ALDH1A1: variants seen among roughly 807,000 people sequenced by gnomAD.
The protein encoded by ALDH1A1 is aldehyde dehydrogenase 1 family member A1, also known as aldehyde dehydrogenase 1A1.
In ALDH1A1, 19 loss-of-function variants were observed where a neutral mutation model predicts 62.1. That is an observed-to-expected ratio of 0.31 (90% CI 0.21 to 0.45). ALDH1A1 has a LOEUF of 0.45. Ranked by LOEUF, ALDH1A1 falls within the 20% of genes least tolerant of loss-of-function variation. ALDH1A1 has a pLI of 1.00. For synonymous variants in ALDH1A1, 231 were observed against 215.9 expected (o/e 1.07, Z -0.61); for missense variants, 521 against 607.1 (o/e 0.86, Z 1.49).
At chr9:72,929,635 A>G (rs966836705) in intron 3 of ALDH1A1, among the ~76,000 whole-genome samples, 1 of 152,202 alleles carries the variant, frequency 6.6e-6, no homozygotes, top group Non-Finnish European at 1.5e-5. Context: ...TGCCCTAACC[A>G]TTATAAGATG....
chr9:72,947,999 G>A (rs1471138638), intron 1 of ALDH1A1, among the ~76,000 whole-genome samples: 1 of 151,956 alleles, frequency 6.6e-6, no homozygotes, highest in Non-Finnish European at 1.5e-5. Flanking sequence ...AAAGGACTAA[G>A]TAGTTAATAA....
At chr9:72,909,150 T>C (rs1471932150) in intron 11 of ALDH1A1, among the ~76,000 whole-genome samples, 2 of 132,726 alleles carry the variant, frequency 1.5e-5, no homozygotes, top group African/African-American at 5.4e-5. Context: ...GTTCTTCCAA[T>C]ACAGCTTTTT....
chr9:72,930,584 C>T (rs1426114311), intron 3 of ALDH1A1, among the ~76,000 whole-genome samples: 2 of 151,968 alleles, frequency 1.3e-5, no homozygotes, highest in Non-Finnish European at 2.9e-5. Context: ...CTTATTGAAA[C>T]CTCTGAGAAG....
intron 1 of ALDH1A1, among the ~76,000 whole-genome samples, chr9:72,943,888 T>C (rs563294943): frequency 6.6e-6 from 1 of 151,714 alleles, no homozygotes; most frequent in African/African-American, 2.4e-5. Flanking sequence ...ATAAATGGTG[T>C]AGAGGGGCAT....
chr9:72,925,751 C>T, intron 5 of ALDH1A1, 139 bp from the exon 6 acceptor site: 1 of 969,016 alleles, frequency 1.0e-6, no homozygotes, highest in Non-Finnish European at 1.5e-6. Flanking sequence ...TATTATACTT[C>T]ATTGCTAAAA....
chr9:72,930,685 T>A (rs896780956), intron 3 of ALDH1A1, among the ~76,000 whole-genome samples, 194 bp downstream of exon 3: 2 of 152,216 alleles, frequency 1.3e-5, no homozygotes, highest in African/African-American at 2.4e-5. Flanking sequence ...GAAATTAACA[T>A]CATCCAGAAT....
chr9:72,910,961 C>G (rs983638555), intron 10 of ALDH1A1, among the ~76,000 whole-genome samples: 3 of 152,078 alleles, frequency 2.0e-5, no homozygotes, highest in Non-Finnish European at 4.4e-5. Flanking sequence ...AGCTGTTCTA[C>G]TGTATATTAA....
chr9:72,908,615 GA>G (rs1295297070), intron 11 of ALDH1A1, among the ~76,000 whole-genome samples: 1 of 104,390 alleles, frequency 9.6e-6, no homozygotes, highest in Admixed American at 1.0e-4. Flanking sequence ...AAGAAAGAAA[GA>G]AAGAAAGAAA....
intron 12 of ALDH1A1, 97 bp from the exon 13 acceptor site, chr9:72,901,377 G>A (rs1829801517): frequency 1.3e-6 from 1 of 780,194 alleles, no homozygotes; most frequent in African/African-American, 1.7e-5. Context: ...TTGTTTTACT[G>A]GCTAGGGACA....
chr9:72,943,158 A>G (rs1465506100), intron 1 of ALDH1A1, among the ~76,000 whole-genome samples: 2 of 152,052 alleles, frequency 1.3e-5, no homozygotes, highest in Non-Finnish European at 2.9e-5. Context: ...GAGATCCAGA[A>G]TTTCACCCTT....
In ALDH1A1 at chr9:72,908,560, AAAGAAAGAAAG is replaced by A. The variant is rs1337206504; in HGVS notation, c.1358+1031_1358+1041del. On this transcript the variant is annotated intron_variant, in intron 11 of 12. Coordinates refer to ENST00000297785, the MANE Select transcript of ALDH1A1 (RefSeq NM_000689.5). ...GAAAGAAAGAAAAGAAAGAAGAAAG[AAAGAAAGAAAG>A]AAAGAAAGAAAGAAAGAAAGAAAGA... Among the ~76,000 whole-genome samples the A allele has an allele frequency of 1.3e-3, 11 of 8,208 alleles. 1 individual carries two copies. Among genetic ancestry groups the A allele is most frequent in the African/African-American group, 3.2e-3 (11 of 3,442 alleles). 5.4% of individuals were successfully genotyped at this position (8,208 alleles called of 152,430 possible). A position where few individuals can be genotyped will look rare whatever the true frequency, so the allele number is the denominator to read the frequency against.
At chr9:72,909,364 G>A (rs1240364437) in intron 11 of ALDH1A1, among the ~76,000 whole-genome samples, 3 of 151,958 alleles carry the variant, frequency 2.0e-5, no homozygotes, top group Non-Finnish European at 2.9e-5. Flanking sequence ...ATGTTGGCCA[G>A]GCTGGTCTCA....
At chr9:72,918,635 T>G in intron 8 of ALDH1A1, 85 bp downstream of exon 8, 1 of 238,582 alleles carries the variant, frequency 4.2e-6, no homozygotes, top group Non-Finnish European at 7.6e-6. Flanking sequence ...TTTTTTTTTT[T>G]TTGTAAAGTT....
chr9:72,945,580 T>C (rs1830465385), intron 1 of ALDH1A1, among the ~76,000 whole-genome samples: 1 of 151,950 alleles, frequency 6.6e-6, no homozygotes, highest in African/African-American at 2.4e-5. Flanking sequence ...GTGTGTGCTG[T>C]AAATGTGTCA....
intron 7 of ALDH1A1, 113 bp downstream of exon 7, chr9:72,923,906 A>C: frequency 4.5e-6 from 3 of 664,854 alleles, no homozygotes; most frequent in Non-Finnish European, 7.4e-6. Flanking sequence ...GTAACAAATC[A>C]TTAAAAAGAG....
chr9:72,951,218 G>C (rs1830540767), intron 1 of ALDH1A1, among the ~76,000 whole-genome samples: 1 of 151,906 alleles, frequency 6.6e-6, no homozygotes. Flanking sequence ...TTGTTGCACA[G>C]TGACTTCGAA....
chr9:72,937,044 A>G lies in ALDH1A1; in HGVS notation c.171+3104T>C, dbSNP rs144297868. Among the ~76,000 whole-genome samples, 1,015 of 152,272 alleles carry G rather than the reference A, an allele frequency of 6.7e-3. 6 individuals are homozygous for G. Among genetic ancestry groups the G allele is most frequent in the Middle Eastern group, 0.024 (7 of 290 alleles). ...TCTGTGTTTTAACAAGCCTTCCTGGACATTCTGAGACAGGCTAAATTTTGA... is the reference window on the plus strand; with the variant it reads ...TCTGTGTTTTAACAAGCCTTCCTGGGCATTCTGAGACAGGCTAAATTTTGA... On this transcript the variant is annotated intron_variant, in intron 2 of 12. Coordinates refer to ENST00000297785, the MANE Select transcript of ALDH1A1 (RefSeq NM_000689.5).
In ALDH1A1 at chr9:72,928,928, A is replaced by G; in HGVS notation, c.406T>C (p.Trp136Arg). 1.2e-6 allele frequency: 2 copies of G among 1,614,022 alleles called. No individual in the cohort carries two copies. The highest frequency in any genetic ancestry group is 1.7e-6 in the Non-Finnish European group (2 of 1,179,918). ...GTACGGCCCTGGATCTTGTCAGCCC[A>G]ACCTGCACAGTAGCGCAATGTTTTG... ...CIKTLRYCAGWADKIQGRTIP... is the reference protein window; with the variant it reads ...CIKTLRYCAGRADKIQGRTIP... Residue 136 changes from tryptophan to arginine, a missense_variant, in exon 4 of 13, where the codon TGG (tryptophan) becomes CGG (arginine). By Grantham distance (101) the Trp-to-Arg change is moderately radical. Transcript: ENST00000297785.
chr9:72,904,538 GAGA>G (rs1202994113), intron 12 of ALDH1A1, among the ~76,000 whole-genome samples: 1 of 152,050 alleles, frequency 6.6e-6, no homozygotes, highest in Non-Finnish European at 1.5e-5. Flanking sequence ...CTTCTGTTAG[GAGA>G]AGTTTTCTTC....
Sources: allele counts gnomAD v4.1 joint callset (sites outside exome capture counted in the v4.1 genomes callset), GRCh38; gene constraint gnomAD v4.1.1; transcripts MANE v1.5; gene names NCBI Gene and HGNC (gene_info 2026-07-23, HGNC 2026-07-21).